The following IFT56 variants were observed in gnomAD, a reference collection of about 807,000 sequenced individuals.
IFT56 encodes intraflagellar transport 56.
chr7:139,137,690 A>G, the IFT56 span, among the ~76,000 whole-genome samples: 1 of 152,260 alleles, frequency 6.6e-6, no homozygotes, highest in Non-Finnish European at 1.5e-5. Flanking sequence ...ATTAGAAGAT[A>G]CTTGTCCTGT....
At chr7:139,171,684 C>T in the IFT56 span, among the ~76,000 whole-genome samples, 154 of 152,238 alleles carry the variant, frequency 1.0e-3, 4 homozygotes, top group South Asian at 0.03. Context: ...ATACAAAAAT[C>T]AAATCAAAAT....
At chr7:139,134,783 C>T in the IFT56 span, 78 of 1,613,272 alleles carry the variant, frequency 4.8e-5, no homozygotes, top group African/African-American at 1.5e-4. Context: ...GAGCTATTAC[C>T]CTGTTGGAGG....
At chr7:139,139,131 A>G in the IFT56 span, among the ~76,000 whole-genome samples, 1 of 152,172 alleles carries the variant, frequency 6.6e-6, no homozygotes, top group African/African-American at 2.4e-5. Context: ...ACATATTCTC[A>G]TTCCCAAGAT....
At chr7:139,177,611 AGT>A in the IFT56 span, among the ~76,000 whole-genome samples, 297 of 148,476 alleles carry the variant, frequency 2.0e-3, 2 homozygotes, top group African/African-American at 4.7e-3. Flanking sequence ...ATATATATAT[AGT>A]GTGTGTGTGT....
the IFT56 span, among the ~76,000 whole-genome samples, chr7:139,167,876 G>A: frequency 6.6e-3 from 994 of 151,700 alleles, 14 homozygotes; most frequent in African/African-American, 0.023. Flanking sequence ...TGGGGGTGGA[G>A]GTTGCAGTGG....
At chr7:139,174,131 G>A in the IFT56 span, 7 of 594,852 alleles carry the variant, frequency 1.2e-5, no homozygotes, top group African/African-American at 7.4e-5. Context: ...TGTAATCTAC[G>A]ATTTTCATCA....
At chr7:139,185,250 C>T in the IFT56 span, among the ~76,000 whole-genome samples, 1 of 151,774 alleles carries the variant, frequency 6.6e-6, no homozygotes, top group African/African-American at 2.4e-5. Flanking sequence ...GCTGTGGTTA[C>T]GTGAATCTAC....
At chr7:139,137,194 T>G in the IFT56 span, among the ~76,000 whole-genome samples, 1 of 152,208 alleles carries the variant, frequency 6.6e-6, no homozygotes, top group East Asian at 1.9e-4. Flanking sequence ...TCTCAGTCTT[T>G]TCCTCCAAAA....
the IFT56 span, chr7:139,169,325 T>C: frequency 6.2e-7 from 1 of 1,614,054 alleles, no homozygotes; most frequent in Admixed American, 1.7e-5. Context: ...GTTCTTCCAG[T>C]TGGTGGGAGG....
the IFT56 span, chr7:139,166,833 A>C: frequency 6.4e-7 from 1 of 1,554,918 alleles, no homozygotes. Flanking sequence ...ACTTTGTTGT[A>C]TTTCAGATGA....
At chr7:139,189,614 T>C in the IFT56 span, 1 of 523,988 alleles carries the variant, frequency 1.9e-6, no homozygotes. Flanking sequence ...CAGAGTGCCA[T>C]AGTCTGTGAC....
chr7:139,147,042 T>C, the IFT56 span: 18 of 1,559,334 alleles, frequency 1.2e-5, no homozygotes, highest in African/African-American at 2.4e-4. Flanking sequence ...AGAGACACAA[T>C]GGCTAAAGAA....
At chr7:139,166,448 C>A in the IFT56 span, among the ~76,000 whole-genome samples, 1 of 151,926 alleles carries the variant, frequency 6.6e-6, no homozygotes, top group Non-Finnish European at 1.5e-5. Flanking sequence ...TTTTTCATCA[C>A]CTCTTTTTTG....
chr7:139,187,511 C>G, the IFT56 span: 1 of 1,614,118 alleles, frequency 6.2e-7, no homozygotes, highest in African/African-American at 1.3e-5. Flanking sequence ...GGGCATTTTC[C>G]AGATGATCAT....
At chr7:139,148,510 T>C in the IFT56 span, 1 of 768,062 alleles carries the variant, frequency 1.3e-6, no homozygotes, top group Non-Finnish European at 2.1e-6. Flanking sequence ...TGTGATTCTA[T>C]AAGAACCTAA....
the IFT56 span, chr7:139,161,386 T>C: frequency 1.3e-4 from 25 of 193,614 alleles, no homozygotes; most frequent in Non-Finnish European, 4.2e-5. Context: ...GTCAAGGACA[T>C]GGAGCTAGAA....
chr7:139,157,558 C>G, the IFT56 span, among the ~76,000 whole-genome samples: 1 of 142,244 alleles, frequency 7.0e-6, no homozygotes, highest in Non-Finnish European at 1.5e-5. Context: ...AGATGGAGTG[C>G]AGTGGCTGGA....
the IFT56 span, among the ~76,000 whole-genome samples, chr7:139,186,743 C>G: frequency 2.0e-5 from 3 of 152,082 alleles, no homozygotes; most frequent in African/African-American, 4.8e-5. Context: ...ATACTCAGTT[C>G]AAATCACAAT....
the IFT56 span, chr7:139,172,757 C>T: frequency 1.6e-6 from 1 of 634,722 alleles, no homozygotes; most frequent in South Asian, 1.4e-5. Context: ...CGGCTGGTCA[C>T]CTGGTGGGTA....
Sources: allele counts gnomAD v4.1 joint callset (sites outside exome capture counted in the v4.1 genomes callset), GRCh38; gene constraint gnomAD v4.1.1; transcripts MANE v1.5; gene names NCBI Gene and HGNC (gene_info 2026-07-23, HGNC 2026-07-21).